Variants in SMAP1 observed in about 807,000 individuals in gnomAD.
SMAP1 encodes the protein small ArfGAP 1, also known as stromal membrane-associated protein 1.
A neutral mutation model predicts 58.5 loss-of-function variants in SMAP1; 24 were observed. The ratio of observed to expected loss-of-function variants is 0.41; its 90% CI spans 0.30 to 0.58. The LOEUF is 0.58. Ranked by LOEUF, SMAP1 falls within the 20% of genes least tolerant of loss-of-function variation. The pLI is 0.29. For synonymous variants in SMAP1, 216 were observed against 196.6 expected, an observed-to-expected ratio of 1.10 and a Z score of -0.82; for missense variants, 563 against 566.3, an observed-to-expected ratio of 0.99 and a Z score of 0.06.
chr6:70,835,168 C>T (rs1268099707), intron 6 of SMAP1, among the ~76,000 whole-genome samples: 1 of 146,996 alleles, frequency 6.8e-6, no homozygotes, highest in African/African-American at 2.5e-5. Flanking sequence ...AGGAGAATGG[C>T]TTGAACCCGA....
intron 4 of SMAP1, among the ~76,000 whole-genome samples, chr6:70,785,480 A>T: frequency 6.6e-6 from 1 of 152,222 alleles, no homozygotes; most frequent in Non-Finnish European, 1.5e-5. Flanking sequence ...ATAGAGACAC[A>T]AAAAACCCTT....
At chr6:70,687,505 AAAGTT>A (rs1292728182) in intron 1 of SMAP1, among the ~76,000 whole-genome samples, 4 of 152,152 alleles carry the variant, frequency 2.6e-5, no homozygotes, top group African/African-American at 9.7e-5. Context: ...TTTGAAGAGT[AAAGTT>A]AGGTTAAGAA....
At chr6:70,678,877 T>A (rs561867727) in intron 1 of SMAP1, among the ~76,000 whole-genome samples, 3 of 152,268 alleles carry the variant, frequency 2.0e-5, no homozygotes, top group African/African-American at 7.2e-5. Flanking sequence ...TTTATCTGGG[T>A]AATACAGGAC....
At chr6:70,732,249 A>C in intron 1 of SMAP1, 129 bp from the exon 2 acceptor site, 1 of 972,446 alleles carries the variant, frequency 1.0e-6, no homozygotes, top group Non-Finnish European at 1.4e-6. Flanking sequence ...ACCATTTGAA[A>C]ATTTGAGCAT....
At chr6:70,817,138 A>ATTT (rs34064328) in intron 6 of SMAP1, among the ~76,000 whole-genome samples, 16 of 140,514 alleles carry the variant, frequency 1.1e-4, no homozygotes, top group African/African-American at 4.0e-4. Context: ...ATATATATAT[A>ATTT]TTTTTTTTTT....
chr6:70,837,779 A>G lies in SMAP1; in HGVS notation c.664+751A>G, dbSNP rs769477800. The G allele has an allele frequency of 2.5e-6, 3 of 1,198,048 alleles. No individual in the cohort carries two copies. The East Asian group carries it at 2.2e-4, about 87-fold the overall frequency. 74.2% of individuals were successfully genotyped at this position (1,198,048 alleles called of 1,614,324 possible). ...ATAATTTAAATTTTTCTTTTTTTTTAGTTTGGAGAAAGATTGAGAAGGAAA... is the reference window on the plus strand; with the variant it reads ...ATAATTTAAATTTTTCTTTTTTTTTGGTTTGGAGAAAGATTGAGAAGGAAA... On this transcript the variant is annotated intron_variant, in intron 7 of 10. Transcript: ENST00000370455.
At chr6:70,816,229 T>A (rs1325301431) in intron 6 of SMAP1, among the ~76,000 whole-genome samples, 1 of 152,170 alleles carries the variant, frequency 6.6e-6, no homozygotes, top group African/African-American at 2.4e-5. Flanking sequence ...TTGGCAATTA[T>A]CCAATTTAAC....
intron 6 of SMAP1, among the ~76,000 whole-genome samples, chr6:70,812,606 ACTT>A (rs1288714245): frequency 1.3e-5 from 2 of 152,180 alleles, no homozygotes; most frequent in African/African-American, 4.8e-5. Flanking sequence ...AAATATTTTA[ACTT>A]CTTCAAAACT....
At chr6:70,860,022 TAAA>T (rs1771639609) in intron 10 of SMAP1, 175 bp from the exon 11 acceptor site, 2 of 582,368 alleles carry the variant, frequency 3.4e-6, no homozygotes, top group Non-Finnish European at 5.4e-6. Context: ...AGAAAGTAGA[TAAA>T]GAAGGGAACA....
chr6:70,720,415 T>A (rs1463294307), intron 1 of SMAP1, among the ~76,000 whole-genome samples: 1 of 152,204 alleles, frequency 6.6e-6, no homozygotes, highest in Non-Finnish European at 1.5e-5. Flanking sequence ...GTGGCTTTTC[T>A]GGGCACATAG....
chr6:70,811,986 T>G (rs1485821551), intron 6 of SMAP1, among the ~76,000 whole-genome samples: 2 of 152,206 alleles, frequency 1.3e-5, no homozygotes, highest in Non-Finnish European at 2.9e-5. Flanking sequence ...GTGGATGTGC[T>G]GGACAAAGGG....
intron 2 of SMAP1, among the ~76,000 whole-genome samples, chr6:70,739,018 T>G (rs1765718744): frequency 6.6e-6 from 1 of 152,170 alleles, no homozygotes; most frequent in Admixed American, 6.5e-5. Flanking sequence ...GTACAATATT[T>G]GTGTGGTACC....
In SMAP1 at chr6:70,734,002, GA is replaced by G. The variant is rs567531483; in HGVS notation, c.252+1492del. On this transcript the variant is annotated intron_variant, in intron 2 of 10. Coordinates refer to ENST00000370455, the MANE Select transcript of SMAP1 (RefSeq NM_001044305.3). ...GTTACAAGTACATGGCAATATATTG[GA>G]TTTTTTTTTTTTTACAATGTAAGGA... Among the ~76,000 whole-genome samples, 246 of 86,528 alleles carry G rather than the reference GA, an allele frequency of 2.8e-3. 4 individuals are homozygous for G. The highest frequency in any genetic ancestry group is 3.9e-3 in the Non-Finnish European group (180 of 46,538). 56.8% of individuals were successfully genotyped at this position (86,528 alleles called of 152,430 possible).
intron 2 of SMAP1, among the ~76,000 whole-genome samples, chr6:70,732,789 A>G (rs1765479725): frequency 6.6e-6 from 1 of 152,164 alleles, no homozygotes; most frequent in Non-Finnish European, 1.5e-5. Context: ...TTGCCAGTAT[A>G]ATTCCATAGT....
At chr6:70,745,782 G>A (rs574085665) in intron 2 of SMAP1, among the ~76,000 whole-genome samples, 1,974 of 152,252 alleles carry the variant, frequency 0.013, 18 homozygotes, top group Middle Eastern at 0.027. Flanking sequence ...CCATTTTCAC[G>A]ATACTGATTC....
intron 6 of SMAP1, among the ~76,000 whole-genome samples, chr6:70,815,549 T>G (rs1769582822): frequency 6.6e-6 from 1 of 152,168 alleles, no homozygotes; most frequent in Non-Finnish European, 1.5e-5. Context: ...TGGGGCAGAT[T>G]GCCGAGCAGG....
intron 1 of SMAP1, among the ~76,000 whole-genome samples, chr6:70,687,461 G>A (rs1766980579): frequency 1.3e-5 from 2 of 151,932 alleles, no homozygotes; most frequent in Non-Finnish European, 2.9e-5. Flanking sequence ...CTCAATGTAG[G>A]GCATTGAGTA....
chr6:70,854,675 G>T (rs930413995), intron 8 of SMAP1, among the ~76,000 whole-genome samples: 17 of 152,112 alleles, frequency 1.1e-4, no homozygotes, highest in Admixed American at 1.0e-3. Context: ...TGAAAATGGG[G>T]GATGGTGCTG....
At chr6:70,780,404 T>C (rs190782858) in intron 4 of SMAP1, among the ~76,000 whole-genome samples, 19 of 152,238 alleles carry the variant, frequency 1.2e-4, no homozygotes, top group Admixed American at 9.8e-4. Flanking sequence ...GGCAAGACCC[T>C]GTCTCTACAA....
Sources: gnomAD v4.1 joint callset for allele counts (sites outside exome capture counted in the v4.1 genomes callset) on GRCh38, gnomAD v4.1.1 for gene constraint, MANE v1.5 for transcripts, NCBI Gene and HGNC (gene_info 2026-07-23, HGNC 2026-07-21) for gene names.